SPATA22: variants seen among roughly 807,000 people sequenced by gnomAD.
The protein encoded by SPATA22 is spermatogenesis associated 22, also known as spermatogenesis-associated protein 22.
Under a neutral mutation model 47.8 loss-of-function variants are expected in SPATA22, and 29 were observed. The observed-to-expected ratio is 0.61, with a 90% CI of 0.45 to 0.83. SPATA22 has a LOEUF of 0.83. Ranked by LOEUF, SPATA22 falls within the 40% of genes least tolerant of loss-of-function variation. The pLI, the probability that SPATA22 is intolerant of heterozygous loss-of-function variation, is 0.00. For synonymous variants in SPATA22, 133 were observed against 140.9 expected, an observed-to-expected ratio of 0.94 and a Z score of 0.40; for missense variants, 410 against 421.7, an observed-to-expected ratio of 0.97 and a Z score of 0.24.
intron 1 of SPATA22, among the ~76,000 whole-genome samples, chr17:3,509,371 A>G (rs1290460045): frequency 6.6e-6 from 1 of 151,376 alleles, no homozygotes; most frequent in Non-Finnish European, 1.5e-5. Flanking sequence ...CTGTGTCCAT[A>G]TGTTCTCAAT....
chr17:3,447,709 T>G (rs1441354370), intron 6 of SPATA22, among the ~76,000 whole-genome samples: 1 of 151,894 alleles, frequency 6.6e-6, no homozygotes, highest in East Asian at 1.9e-4. Context: ...GAGGAGAAAA[T>G]AAAAGTATCA....
intron 1 of SPATA22, among the ~76,000 whole-genome samples, chr17:3,482,132 A>G (rs994561759): frequency 6.6e-6 from 1 of 152,362 alleles, no homozygotes; most frequent in Admixed American, 6.5e-5. Flanking sequence ...TAAAATTAAT[A>G]TTAAAAGTTT....
chr17:3,471,640 C>T (rs1362027182), intron 1 of SPATA22, 42 bp downstream of exon 1: 4 of 985,294 alleles, frequency 4.1e-6, no homozygotes, highest in Non-Finnish European at 4.8e-6. Flanking sequence ...AAGGCCTCTC[C>T]TGACCCGCCC....
chr17:3,460,492 C>T (rs1237331924), intron 5 of SPATA22, among the ~76,000 whole-genome samples: 1 of 152,058 alleles, frequency 6.6e-6, no homozygotes, highest in African/African-American at 2.4e-5. Context: ...TTCTCAGCTT[C>T]TAAAGCCTTC....
chr17:3,475,325 G>C (rs1372884709), upstream of SPATA22: 2 of 152,270 alleles, frequency 1.3e-5, no homozygotes, highest in African/African-American at 4.8e-5. Context: ...AAGTTCACAT[G>C]ATGTGGTTAG....
chr17:3,440,176 A>G lies in SPATA22; in HGVS notation c.1063T>C (p.Tyr355His). The G allele has an allele frequency of 6.2e-7, 1 of 1,606,416 alleles. No individual in the cohort carries two copies. The highest frequency in any genetic ancestry group is 8.5e-7 in the Non-Finnish European group (1 of 1,176,752). ...FVKIADVEMQ[Y>H]YINVMNET Reference sequence around the variant, plus strand: ...GTTTCATTCATCACATTAATATAATACTGCATCTCAACATCTGCAATTTTG... The same window carrying G: ...GTTTCATTCATCACATTAATATAATGCTGCATCTCAACATCTGCAATTTTG... Residue 355 changes from tyrosine to histidine, a missense_variant, in exon 9 of 9, where the codon TAT (tyrosine) becomes CAT (histidine). By Grantham distance (83) the Tyr-to-His change is moderately conservative. Transcript: ENST00000572969.
intron 3 of SPATA22, among the ~76,000 whole-genome samples, chr17:3,465,205 G>T (rs2073268375): frequency 7.2e-6 from 1 of 139,150 alleles, no homozygotes; most frequent in Non-Finnish European, 1.6e-5. Flanking sequence ...GAGGTGAGGG[G>T]CGCCTCTGCC....
rs1461768347 is a variant in SPATA22, at chr17:3,466,959, C to T, written c.172+467G>A. Among the ~76,000 whole-genome samples, 3 of 152,144 alleles carry T rather than the reference C, an allele frequency of 2.0e-5. No individual in the cohort carries two copies. The East Asian group carries it at 5.8e-4, about 29-fold the overall frequency. ...AACAAATCAATGAAGGCAAAAATGC[C>T]ATAAAAAGAGAAAAAGACTACGGCC... On this transcript the variant is annotated intron_variant, in intron 3 of 8. Coordinates refer to ENST00000572969, the MANE Select transcript of SPATA22 (RefSeq NM_001170698.2).
chr17:3,478,047 T>TGGTGGCGGGCAC (rs1245736438), intron 1 of SPATA22, among the ~76,000 whole-genome samples: 1 of 151,994 alleles, frequency 6.6e-6, no homozygotes, highest in Non-Finnish European at 1.5e-5. Context: ...TAGCCGGGCA[T>TGGTGGCGGGCAC]GGTGGCGGGC....
intron 3 of SPATA22, among the ~76,000 whole-genome samples, chr17:3,464,310 G>A (rs1426110676): frequency 1.3e-5 from 2 of 151,296 alleles, no homozygotes; most frequent in Non-Finnish European, 1.5e-5. Context: ...GGAGTGCAGT[G>A]GCGTGATCTC....
chr17:3,451,442 A>T (rs2072857831), intron 5 of SPATA22, among the ~76,000 whole-genome samples: 1 of 152,226 alleles, frequency 6.6e-6, no homozygotes, highest in South Asian at 2.1e-4. Context: ...CTTGAACAAC[A>T]CTATGGATCA....
At chr17:3,475,975 G>C, upstream of SPATA22, 1 of 615,370 alleles carries the variant, frequency 1.6e-6, no homozygotes, top group South Asian at 2.0e-5. Context: ...GCTAAAGAAG[G>C]GAGTGTCCAT....
intron 7 of SPATA22, 69 bp downstream of exon 7, chr17:3,446,403 G>T: frequency 6.9e-7 from 1 of 1,458,212 alleles, no homozygotes; most frequent in Non-Finnish European, 9.3e-7. Flanking sequence ...GAAGAAAAAG[G>T]ACTAATCAGA....
chr17:3,483,625 A>T (rs371697371), intron 1 of SPATA22: 557 of 1,532,636 alleles, frequency 3.6e-4, no homozygotes, highest in Non-Finnish European at 4.6e-4. Context: ...ATAACTCAAT[A>T]AAATATGTCC....
At chr17:3,473,529 G>C (rs1184849093), upstream of SPATA22, among the ~76,000 whole-genome samples, 1 of 152,036 alleles carries the variant, frequency 6.6e-6, no homozygotes, top group Non-Finnish European at 1.5e-5. Flanking sequence ...ACGGAGTTTC[G>C]CTCTTGTTCC....
chr17:3,489,908 C>T (rs556767932), intron 1 of SPATA22, among the ~76,000 whole-genome samples: 14 of 152,248 alleles, frequency 9.2e-5, no homozygotes, highest in African/African-American at 2.9e-4. Flanking sequence ...AGATTGTTAT[C>T]GTGCATCATT....
intron 5 of SPATA22, among the ~76,000 whole-genome samples, chr17:3,459,084 G>C (rs1215913184): frequency 7.9e-6 from 1 of 126,810 alleles, no homozygotes; most frequent in Non-Finnish European, 1.7e-5. Context: ...CAAACTCATA[G>C]AAGCAGAGCG....
rs1309170024 is a variant in SPATA22, at chr17:3,490,474, TATA to T, written c.-73-21079_-73-21077del. Among the ~76,000 whole-genome samples, 4 of 152,178 alleles carry T rather than the reference TATA, an allele frequency of 2.6e-5. No homozygotes were observed. Among genetic ancestry groups the T allele is most frequent in the African/African-American group, 4.8e-5 (2 of 41,444 alleles). On this transcript the variant is annotated intron_variant, in intron 1 of 8. Transcript: ENST00000541913. This position sits in a 1 kb window ranked among gnomAD's most constrained non-coding sequence, Gnocchi z 4.6. ...AAATTGTTGTTGAGGAATGGGCAATTATAATAACAGAGGGGGTGTGTACTTCGG... is the reference window on the plus strand; with the variant it reads ...AAATTGTTGTTGAGGAATGGGCAATTATAACAGAGGGGGTGTGTACTTCGG...
intron 5 of SPATA22, among the ~76,000 whole-genome samples, chr17:3,457,564 C>T (rs148889076): frequency 1.5e-4 from 23 of 152,308 alleles, no homozygotes; most frequent in African/African-American, 5.5e-4. Context: ...CATCACACTT[C>T]CTGATTTCAA....
Sources: gnomAD v4.1 joint callset for allele counts (sites outside exome capture counted in the v4.1 genomes callset) on GRCh38, gnomAD v4.1.1 for gene constraint, Gnocchi (gnomAD v3.1) non-coding constraint, MANE v1.5 for transcripts, NCBI Gene and HGNC (gene_info 2026-07-23, HGNC 2026-07-21) for gene names.